ARHGEF18: variants seen among roughly 807,000 people sequenced by gnomAD.
ARHGEF18 encodes rho guanine nucleotide exchange factor 18.
A neutral mutation model predicts 155.7 loss-of-function variants in ARHGEF18; 93 were observed. The ratio of observed to expected loss-of-function variants is 0.60; its 90% CI spans 0.50 to 0.71. The LOEUF is 0.71. Ranked by LOEUF, ARHGEF18 falls within the 30% of genes least tolerant of loss-of-function variation. The probability of loss-of-function intolerance (pLI) is 0.00; values close to 1 mark genes in which losing one functional copy is unlikely to be tolerated. For synonymous variants in ARHGEF18, 742 were observed against 753.1 expected (o/e 0.99, Z 0.24); for missense variants, 1,593 against 1,816.1 (o/e 0.88, Z 2.23).
chr19:7,414,469 A>C lies in ARHGEF18; in HGVS notation c.968-25875A>C, dbSNP rs140798280. Among the ~76,000 whole-genome samples the C allele has an allele frequency of 4.3e-3, 658 of 152,210 alleles. 6 individuals carry two copies. Among genetic ancestry groups the C allele is most frequent in the African/African-American group, 0.015 (620 of 41,524 alleles). ...AGGCGGGCAGATCACCTGGGTCAGG[A>C]GTTCGAGACCAGCCTAGCCAACATG... is the stretch of plus-strand genomic sequence containing the variant. On this transcript the variant is annotated intron_variant, in intron 10 of 28. Coordinates refer to ENST00000668164, the MANE Select transcript of ARHGEF18 (RefSeq NM_001367823.1).
At chr19:7,352,165 G>A (rs1302213692) in intron 1 of ARHGEF18, among the ~76,000 whole-genome samples, 1 of 151,984 alleles carries the variant, frequency 6.6e-6, no homozygotes, top group African/African-American at 2.4e-5. Flanking sequence ...TCTCTTTATG[G>A]TGTCATTTTC....
chr19:7,422,092 C>T (rs113840429), intron 10 of ARHGEF18, among the ~76,000 whole-genome samples: 4,348 of 152,184 alleles, frequency 0.029, 105 homozygotes, highest in South Asian at 0.083. Context: ...TGTCACCTCG[C>T]ACTCAGGCTG....
At chr19:7,420,051 G>A (rs377666742) in intron 10 of ARHGEF18, among the ~76,000 whole-genome samples, 15 of 150,214 alleles carry the variant, frequency 1.0e-4, no homozygotes, top group East Asian at 9.9e-4. Flanking sequence ...CCACACTCAC[G>A]CTAAGCCCTG....
intron 15 of ARHGEF18, 63 bp downstream of exon 15, chr19:7,447,231 C>T (rs1975056105): frequency 6.7e-7 from 1 of 1,484,660 alleles, no homozygotes; most frequent in Non-Finnish European, 9.1e-7. Context: ...TGGCTCACGC[C>T]TGTAATCCCA....
In ARHGEF18 at chr19:7,462,389, G is replaced by C; in HGVS notation, c.2635+55G>C. 6.7e-7 allele frequency: 1 copy of C among 1,500,670 alleles called. No homozygotes were observed. The highest frequency in any genetic ancestry group is 1.3e-5 in the South Asian group (1 of 75,154). 93.0% of individuals were successfully genotyped at this position (1,500,670 alleles called of 1,614,324 possible). On this transcript the variant is annotated intron_variant, in intron 21 of 28. Coordinates refer to ENST00000668164, the MANE Select transcript of ARHGEF18 (RefSeq NM_001367823.1). This position sits in a 1 kb window ranked among gnomAD's most constrained non-coding sequence, Gnocchi z 4.4. ...CAGTCTTGCCGGGGTGGGCTCCTCA[G>C]GGAACCCCAGGCCAGGCTCACGGCT...
At chr19:7,450,922 G>T in intron 15 of ARHGEF18, among the ~76,000 whole-genome samples, 1 of 152,080 alleles carries the variant, frequency 6.6e-6, no homozygotes, top group Non-Finnish European at 1.5e-5. Flanking sequence ...TGTTAATGCA[G>T]GATCTTGCTG....
Position 7,440,509 on chromosome 19 carries a change from C to A in ARHGEF18, c.1106+27C>A. The A allele has an allele frequency of 6.4e-7, 1 of 1,574,136 alleles. No individual in the cohort carries two copies. On this transcript the variant is annotated intron_variant, in intron 11 of 28. Transcript: ENST00000668164. This position sits in a 1 kb window ranked among gnomAD's most constrained non-coding sequence, Gnocchi z 5.4. The stretch of plus-strand genomic sequence containing the variant: ...TAAGCCAGGGTCCCCTCTGTGCCCT[C>A]GGGTGGGTGGTGGCATTCCCCGGGG...
At chr19:7,396,675 A>G (rs911475356) in intron 10 of ARHGEF18, among the ~76,000 whole-genome samples, 3 of 151,576 alleles carry the variant, frequency 2.0e-5, no homozygotes, top group Admixed American at 6.6e-5. Flanking sequence ...CGATCGGGCC[A>G]CTGCACTCCA....
In ARHGEF18 at chr19:7,405,007, G is replaced by A. The variant is rs534321569; in HGVS notation, c.967+21804G>A. Among the ~76,000 whole-genome samples the A allele has an allele frequency of 5.3e-5, 8 of 152,126 alleles. No homozygotes were observed. The East Asian group carries it at 1.4e-3, about 26-fold the overall frequency. On this transcript the variant is annotated intron_variant, in intron 10 of 28. Transcript: ENST00000668164. ...GATGGAGTCTCACTCACCCAGGCTG[G>A]AGTGTAATGGCATGATCTTGGCTCA...
At chr19:7,413,788 A>T (rs893354073) in intron 10 of ARHGEF18, among the ~76,000 whole-genome samples, 2 of 152,120 alleles carry the variant, frequency 1.3e-5, no homozygotes, top group Admixed American at 6.6e-5. Flanking sequence ...TGAGGTAATC[A>T]TCTTTTAGCC....
downstream of ARHGEF18, among the ~76,000 whole-genome samples, chr19:7,473,808 C>CAAAA (rs35797777): frequency 3.8e-5 from 3 of 79,632 alleles, no homozygotes; most frequent in Non-Finnish European, 6.9e-5. Context: ...GACTCCGTCT[C>CAAAA]AAAAAAAAAA....
chr19:7,390,244 C>T (rs1320792578), intron 10 of ARHGEF18, among the ~76,000 whole-genome samples: 1 of 152,094 alleles, frequency 6.6e-6, no homozygotes, highest in Non-Finnish European at 1.5e-5. Flanking sequence ...TGGTGGCTTA[C>T]ACCTGTAATC....
rs183296927 is a variant in ARHGEF18, at chr19:7,366,238, C to T, written c.15+3333C>T. Among the ~76,000 whole-genome samples the T allele has an allele frequency of 7.8e-3, 1,188 of 152,322 alleles. 3 individuals carry two copies. Among genetic ancestry groups the T allele is most frequent in the Middle Eastern group, 0.031 (9 of 294 alleles). Reference sequence around the variant, plus strand: ...CTGGGATTACAGGCGTGAGCCACGGCGCCCAGCCAGCAAGCTGAATAATCT... The same window carrying T: ...CTGGGATTACAGGCGTGAGCCACGGTGCCCAGCCAGCAAGCTGAATAATCT... On this transcript the variant is annotated intron_variant, in intron 2 of 28. Transcript: ENST00000668164.
At chr19:7,427,368 T>C (rs898871714) in intron 10 of ARHGEF18, among the ~76,000 whole-genome samples, 8 of 152,116 alleles carry the variant, frequency 5.3e-5, no homozygotes, top group Non-Finnish European at 5.9e-5. Flanking sequence ...TGGCCAGGCA[T>C]GGTGGCTCTC....
At chr19:7,469,214 G>A (rs1348085046) in intron 27 of ARHGEF18, 83 bp downstream of exon 27, 4 of 1,430,866 alleles carry the variant, frequency 2.8e-6, no homozygotes, top group South Asian at 1.4e-5. Flanking sequence ...CAGGAAATTC[G>A]GGACACCTGT....
chr19:7,451,974 G>A (rs1362323275), intron 16 of ARHGEF18, among the ~76,000 whole-genome samples: 1 of 152,026 alleles, frequency 6.6e-6, no homozygotes, highest in Non-Finnish European at 1.5e-5. Flanking sequence ...CACCCATGTT[G>A]GCCTCCCAAA....
chr19:7,356,566 G>A (rs11878965), intron 1 of ARHGEF18, among the ~76,000 whole-genome samples: 139,778 of 152,116 alleles, frequency 0.92, 64,355 homozygotes, highest in Non-Finnish European at 0.95. Flanking sequence ...GAGCCAGCGC[G>A]CCCAGCCATC....
At chr19:7,411,653 G>T (rs1443218848) in intron 10 of ARHGEF18, among the ~76,000 whole-genome samples, 1 of 152,000 alleles carries the variant, frequency 6.6e-6, no homozygotes, top group Non-Finnish European at 1.5e-5. Flanking sequence ...TGCACAGGTT[G>T]GTGGCATTAA....
chr19:7,441,993 A>T lies in ARHGEF18; in HGVS notation c.1301A>T (p.Asp434Val), dbSNP rs1600455868. Residue 434 changes from aspartate to valine, a missense_variant, in exon 13 of 29, where the codon GAT becomes GTT. Coordinates refer to ENST00000668164, the MANE Select transcript of ARHGEF18 (RefSeq NM_001367823.1). ...GCTGAGTCCTGGAGCCTCGCCGTGG[A>T]TGCAGCCTACGCCAAGAAGCAAAAG... ...FEAESWSLAVDAAYAKKQKRE... is the reference protein window; with the variant it reads ...FEAESWSLAVVAAYAKKQKRE... The T allele has an allele frequency of 6.2e-7, 1 of 1,614,106 alleles. No individual in the cohort carries two copies. Among genetic ancestry groups the T allele is most frequent in the East Asian group, 2.2e-5 (1 of 44,866 alleles).
Sources: gnomAD v4.1 joint callset for allele counts (sites outside exome capture counted in the v4.1 genomes callset) on GRCh38, gnomAD v4.1.1 for gene constraint, Gnocchi (gnomAD v3.1) non-coding constraint, MANE v1.5 for transcripts, NCBI Gene and HGNC (gene_info 2026-07-23, HGNC 2026-07-21) for gene names.